The following FLNC variants were observed in gnomAD, a reference collection of about 807,000 sequenced individuals.
The protein encoded by FLNC is filamin-C.
FLNC carries 91 observed loss-of-function variants against 254.3 expected under a neutral mutation model. The ratio of observed to expected loss-of-function variants is 0.36; its 90% CI spans 0.30 to 0.43. The LOEUF (loss-of-function observed/expected upper bound fraction) is 0.43, where lower values mean the gene tolerates loss of function less well. Among genes scored for constraint, FLNC ranks in the 20% least tolerant of loss-of-function variants. The pLI, the probability that FLNC is intolerant of heterozygous loss-of-function variation, is 1.00. For synonymous variants in FLNC, 1,430 were observed against 1,577.2 expected (o/e 0.91, Z 2.21); for missense variants, 2,853 against 3,802.6 (o/e 0.75, Z 6.57).
rs776805988 is a variant in FLNC at position 128,838,293 on chromosome 7, C to T, written c.1074C>T (p.Asn358=). 1.1e-5 allele frequency: 17 copies of T among 1,613,976 alleles called. No homozygotes were observed. The highest frequency in any genetic ancestry group is 1.4e-5 in the Non-Finnish European group (17 of 1,180,014). Residue 358 remains asparagine (N), a synonymous_variant, in exon 7 of 48, where the codon AAC becomes AAT. Transcript: ENST00000325888. The part of the protein sequence containing the change: ...HKVTVLFAGQ[N]IERSPFEVNV... ...TGACCGTGCTCTTTGCTGGCCAGAACATTGAACGCAGTCCCTTTGAGGTGA... is the reference window on the plus strand; with the variant it reads ...TGACCGTGCTCTTTGCTGGCCAGAATATTGAACGCAGTCCCTTTGAGGTGA...
intron 32 of FLNC, 67 bp from the exon 33 acceptor site, chr7:128,850,736 C>T (rs1808771457): frequency 6.2e-7 from 1 of 1,608,410 alleles, no homozygotes; most frequent in Non-Finnish European, 8.5e-7. Flanking sequence ...CAGGACCAGG[C>T]CTGGGACAGC....
intron 8 of FLNC, among the ~76,000 whole-genome samples, chr7:128,839,583 C>T (rs925909073): frequency 2.0e-5 from 3 of 152,234 alleles, no homozygotes; most frequent in Admixed American, 6.5e-5. Flanking sequence ...GATGTCCACA[C>T]GTTGCCTGTG....
chr7:128,854,161 C>T lies in FLNC; in HGVS notation c.6672C>T (p.Asp2224=), dbSNP rs1447218470. 1.2e-6 allele frequency: 2 copies of T among 1,611,212 alleles called. No individual in the cohort carries two copies. Among genetic ancestry groups the T allele is most frequent in the Non-Finnish European group, 1.7e-6 (2 of 1,179,010 alleles). ...ACCCCTTCCCTGCTGTGTTTGGGGA[C>T]TTCCTGGGCCGGGAGCGCCTGGGAT... The part of the protein sequence containing the change: ...GGDPFPAVFG[D]FLGRERLGSF... Residue 2224 remains aspartate, a synonymous_variant, in exon 40 of 48, where the codon GAC becomes GAT. Coordinates refer to ENST00000325888, the MANE Select transcript of FLNC (RefSeq NM_001458.5).
intron 32 of FLNC, 118 bp downstream of exon 32, chr7:128,850,601 G>A: frequency 8.4e-7 from 1 of 1,190,756 alleles, no homozygotes; most frequent in Non-Finnish European, 1.2e-6. Flanking sequence ...CTCTACCCAG[G>A]GTCACACAGC....
chr7:128,848,947 T>G lies in FLNC; in HGVS notation c.4892T>G (p.Leu1631Arg). 1 of 1,613,080 alleles carries G rather than the reference T, an allele frequency of 6.2e-7. No individual in the cohort carries two copies. The highest frequency in any genetic ancestry group is 8.5e-7 in the Non-Finnish European group (1 of 1,179,542). Residue 1631 changes from leucine to arginine, a missense_variant, in exon 28 of 48, where the codon CTG becomes CGG. By Grantham distance (102) the Leu-to-Arg change is moderately radical. Transcript: ENST00000325888. Reference protein sequence around the residue: ...IPYSPFRIHALPTGDASKCLV... With the variant: ...IPYSPFRIHARPTGDASKCLV... ...TACTCGCCCTTCCGCATCCATGCTC[T>G]GCCCACTGGGGATGCCAGCAAGTGC...
At chr7:128,832,979 G>A (rs780462880) in intron 1 of FLNC, among the ~76,000 whole-genome samples, 6 of 152,198 alleles carry the variant, frequency 3.9e-5, no homozygotes, top group Non-Finnish European at 8.8e-5. Context: ...CACCGAAATC[G>A]AGCATCTGGG....
At position 128,849,560 on chromosome 7, in the gene FLNC, C is replaced by A. The variant is rs764500516; in HGVS notation, c.5181C>A (p.Asn1727Lys). 2.5e-6 allele frequency: 4 copies of A among 1,613,916 alleles called. No individual in the cohort carries two copies. The highest frequency in any genetic ancestry group is 1.7e-5 in the Admixed American group (1 of 60,014). Residue 1727 changes from asparagine (N) to lysine (K), a missense_variant, in exon 30 of 48, where the codon AAC becomes AAA. By Grantham distance (94) the Asn-to-Lys change is moderately conservative (BLOSUM62 0). Coordinates refer to ENST00000325888, the MANE Select transcript of FLNC (RefSeq NM_001458.5). ...GCTTCGGGGGTGAGCACATCCCCAACAGCCCCTTCCACGTGCTGGTAAGTT... is the reference window on the plus strand; with the variant it reads ...GCTTCGGGGGTGAGCACATCCCCAAAAGCCCCTTCCACGTGCTGGTAAGTT... ...TIRFGGEHIPNSPFHVLACDP... is the reference protein window; with the variant it reads ...TIRFGGEHIPKSPFHVLACDP...
chr7:128,853,164 C>A, intron 37 of FLNC, 133 bp downstream of exon 37: 1 of 966,004 alleles, frequency 1.0e-6, no homozygotes, highest in Non-Finnish European at 1.6e-6. Context: ...TCAGGATTCG[C>A]ATTCTGGGGC....
rs1198252355 is a variant in FLNC at position 128,854,150 on chromosome 7, G to A, written c.6661G>A (p.Val2221Met). ...GGTCGGCGGGGACCCCTTCCCTGCT[G>A]TGTTTGGGGACTTCCTGGGCCGGGA... The part of the protein sequence containing the change: ...TQVGGDPFPA[V>M]FGDFLGRERL... The change falls in exon 40 of 48, where the codon GTG (valine) becomes ATG (methionine). Residue 2221 changes from valine (V) to methionine (M), a missense_variant. Physicochemically the swap from Val to Met is conservative, Grantham distance 21. Around this residue, in one of 10 missense-constraint regions of FLNC, gnomAD observed 551 missense variants for 835.0 expected, o/e 0.66. Coordinates refer to ENST00000325888, the MANE Select transcript of FLNC (RefSeq NM_001458.5). 2 of 1,612,204 alleles carry A rather than the reference G, an allele frequency of 1.2e-6. No homozygotes were observed. Among genetic ancestry groups the A allele is most frequent in the Admixed American group, 1.7e-5 (1 of 59,990 alleles).
rs770812622 is a variant in FLNC, at chr7:128,836,597, AGAG to A, written c.602-559_602-557del. 2.0e-5 allele frequency among the ~76,000 whole-genome samples: 3 copies of A among 152,230 alleles called. No homozygotes were observed. In the East Asian group the frequency reaches 5.8e-4, roughly 29 times the overall value. ...GGAAGGCAGGGCTCCTGAGGGCTGCAGAGGAGAAGTCATTCTCTCCTCACAGGC... is the reference window on the plus strand; with the variant it reads ...GGAAGGCAGGGCTCCTGAGGGCTGCAGAGAAGTCATTCTCTCCTCACAGGC... On this transcript the variant is annotated intron_variant, in intron 2 of 47. Coordinates refer to ENST00000325888, the MANE Select transcript of FLNC (RefSeq NM_001458.5). The surrounding 1 kb of genome is among the most constrained non-coding windows in gnomAD (Gnocchi z 6.0).
rs762248114 is a variant in FLNC at position 128,842,273 on chromosome 7, G to A, written c.2164G>A (p.Gly722Ser). 4.3e-5 allele frequency: 70 copies of A among 1,613,676 alleles called. No individual in the cohort carries two copies. Among genetic ancestry groups the A allele is most frequent in the Middle Eastern group, 1.6e-4 (1 of 6,084 alleles). The stretch of plus-strand genomic sequence containing the variant: ...CATCGACATCAAGGTGATCCCCAAC[G>A]GCGACGGCACCTTCCGCTGCTCCTA... Reference protein sequence around the residue: ...CPIDIKVIPNGDGTFRCSYVP... With the variant: ...CPIDIKVIPNSDGTFRCSYVP... Residue 722 changes from glycine to serine, a missense_variant, in exon 14 of 48, where the codon GGC becomes AGC. Coordinates refer to ENST00000325888, the MANE Select transcript of FLNC (RefSeq NM_001458.5). This position sits in a 1 kb window ranked among gnomAD's most constrained non-coding sequence, Gnocchi z 5.4.
chr7:128,847,971 G>A lies in FLNC; in HGVS notation c.4483G>A (p.Asp1495Asn), dbSNP rs748265400. The change falls in exon 26 of 48, where the codon GAC becomes AAC. Residue 1495 changes from aspartate to asparagine, a missense_variant. Coordinates refer to ENST00000325888, the MANE Select transcript of FLNC (RefSeq NM_001458.5). ...TGVAEPVEVRDNGDGTHTVHY... is the reference protein window; with the variant it reads ...TGVAEPVEVRNNGDGTHTVHY... ...TGTGGCCGAGCCTGTGGAGGTGCGGGACAATGGAGATGGCACCCACACTGT... is the reference window on the plus strand; with the variant it reads ...TGTGGCCGAGCCTGTGGAGGTGCGGAACAATGGAGATGGCACCCACACTGT... 1.9e-6 allele frequency: 3 copies of A among 1,612,942 alleles called. No homozygotes were observed. Among genetic ancestry groups the A allele is most frequent in the Admixed American group, 3.3e-5 (2 of 59,860 alleles).
At position 128,843,935 on chromosome 7, in the gene FLNC, C is replaced by A. The variant is rs1174847718; in HGVS notation, c.2929+22C>A. 8 of 1,613,868 alleles carry A rather than the reference C, an allele frequency of 5.0e-6. No individual in the cohort carries two copies. In the Admixed American group the frequency reaches 1.3e-4, roughly 27 times the overall value. On this transcript the variant is annotated intron_variant, in intron 19 of 47. Transcript: ENST00000325888. Reference sequence around the variant, plus strand: ...AGCAGTAAGTGGGGCAAGAGCCACCCTGGGAGTGAGGGGTATTCGGGTAGG... The same window carrying A: ...AGCAGTAAGTGGGGCAAGAGCCACCATGGGAGTGAGGGGTATTCGGGTAGG...
At position 128,842,194 on chromosome 7, in the gene FLNC, G is replaced by T. The variant is rs771041056; in HGVS notation, c.2122-37G>T. The stretch of plus-strand genomic sequence containing the variant: ...GGCCAGCAGAGGGCGCTCTGCAGAG[G>T]CCACAGCTATGAACTTTGCTTGGGT... On this transcript the variant is annotated intron_variant, in intron 13 of 47. Transcript: ENST00000325888. The surrounding 1 kb of genome is among the most constrained non-coding windows in gnomAD (Gnocchi z 5.4). The T allele has an allele frequency of 6.2e-7, 1 of 1,611,002 alleles. No homozygotes were observed. The highest frequency in any genetic ancestry group is 8.5e-7 in the Non-Finnish European group (1 of 1,178,658).
chr7:128,840,346 A>G (rs574342062), intron 9 of FLNC, among the ~76,000 whole-genome samples, 186 bp downstream of exon 9: 1 of 152,306 alleles, frequency 6.6e-6, no homozygotes, highest in East Asian at 1.9e-4. Flanking sequence ...CAAGCCAGGA[A>G]TGATTCTCTC....
At chr7:128,854,334 AG>A in intron 40 of FLNC, 78 bp from the exon 41 acceptor site, 1 of 1,597,526 alleles carries the variant, frequency 6.3e-7, no homozygotes, top group Non-Finnish European at 8.5e-7. Flanking sequence ...GCAGAGGAGG[AG>A]GTTTAACTGA....
rs1229703139 is a variant in FLNC at position 128,857,737 on chromosome 7, G to C, written c.7781-271G>C. On this transcript the variant is annotated intron_variant, in intron 46 of 47. Coordinates refer to ENST00000325888, the MANE Select transcript of FLNC (RefSeq NM_001458.5). This position sits in a 1 kb window ranked among gnomAD's most constrained non-coding sequence, Gnocchi z 4.5. The stretch of plus-strand genomic sequence containing the variant: ...AAAGTGGCTCTTACCCTGTGAGTTA[G>C]CCTGAGTTCCCAGACAAAGCCTGCA... 1.3e-5 allele frequency among the ~76,000 whole-genome samples: 2 copies of C among 152,056 alleles called. No homozygotes were observed. Among genetic ancestry groups the C allele is most frequent in the Admixed American group, 6.5e-5 (1 of 15,280 alleles).
Position 128,857,812 on chromosome 7 carries a change from G to A in FLNC, c.7781-196G>A, listed in dbSNP as rs2639140. Among the ~76,000 whole-genome samples, 182 of 152,274 alleles carry A rather than the reference G, an allele frequency of 1.2e-3. No individual in the cohort carries two copies. Among genetic ancestry groups the A allele is most frequent in the African/African-American group, 3.6e-3 (149 of 41,520 alleles). On this transcript the variant is annotated intron_variant, in intron 46 of 47. Transcript: ENST00000325888. The surrounding 1 kb of genome is among the most constrained non-coding windows in gnomAD (Gnocchi z 4.5). ...GCCCCAGCCCTAGGGTGGAGCACCA[G>A]TTGGAGCTGGCAGCTCAGGGCCCTG... is the stretch of plus-strand genomic sequence containing the variant.
chr7:128,845,320 A>G, intron 21 of FLNC, 65 bp downstream of exon 21: 1 of 1,347,852 alleles, frequency 7.4e-7, no homozygotes, highest in African/African-American at 1.4e-5. Context: ...AGTCCGTGGG[A>G]GGGAGGGAAG....
Sources: gnomAD v4.1 joint callset for allele counts (sites outside exome capture counted in the v4.1 genomes callset) on GRCh38, gnomAD v4.1.1 for gene constraint, gnomAD v4.1.1 regional missense constraint, Gnocchi (gnomAD v3.1) non-coding constraint, MANE v1.5 for transcripts, NCBI Gene and HGNC (gene_info 2026-07-23, HGNC 2026-07-21) for gene names.